STAU1: variants seen among roughly 807,000 people sequenced by gnomAD.
STAU1 encodes the protein double-stranded RNA-binding protein Staufen homolog 1.
A neutral mutation model predicts 62.9 loss-of-function variants in STAU1; 13 were observed. The observed-to-expected ratio is 0.21, with a 90% CI of 0.13 to 0.33. The LOEUF (loss-of-function observed/expected upper bound fraction) is 0.33. STAU1 is among the 10% of genes least tolerant of loss of function. The probability of loss-of-function intolerance (pLI) is 1.00; values close to 1 mark genes in which losing one functional copy is unlikely to be tolerated. For synonymous variants in STAU1, 269 were observed against 265.1 expected (o/e 1.01, Z -0.14); for missense variants, 571 against 712.1 (o/e 0.80, Z 2.25).
chr20:49,130,192 G>A (rs1035546800), intron 6 of STAU1, among the ~76,000 whole-genome samples: 5 of 152,068 alleles, frequency 3.3e-5, no homozygotes, highest in African/African-American at 1.2e-4. Flanking sequence ...TCCAAGCTAA[G>A]TTAAAGAAGT....
chr20:49,128,592 T>C (rs1258545455), intron 6 of STAU1, among the ~76,000 whole-genome samples: 4 of 152,008 alleles, frequency 2.6e-5, no homozygotes, highest in South Asian at 2.1e-4. Context: ...TCAGAAAGCA[T>C]GGAAGTTCTC....
chr20:49,153,739 AAAAG>A (rs752610587), intron 4 of STAU1, among the ~76,000 whole-genome samples, 190 bp downstream of exon 4: 36 of 145,462 alleles, frequency 2.5e-4, no homozygotes, highest in African/African-American at 6.9e-4. Context: ...AAAAAAAAAA[AAAAG>A]AAAGAAAGAA....
At chr20:49,175,881 G>A (rs943874474) in intron 1 of STAU1, among the ~76,000 whole-genome samples, 1 of 143,864 alleles carries the variant, frequency 7.0e-6, no homozygotes, top group Non-Finnish European at 1.5e-5. Flanking sequence ...TGCAAGCTCC[G>A]CCTCCAGGGT....
At chr20:49,152,334 T>C (rs2093267045) in intron 4 of STAU1, among the ~76,000 whole-genome samples, 1 of 137,744 alleles carries the variant, frequency 7.3e-6, no homozygotes, top group African/African-American at 2.8e-5. Flanking sequence ...ATCTATCCAC[T>C]AATGTCTTTT....
chr20:49,197,402 T>G, the STAU1 span, among the ~76,000 whole-genome samples: 1 of 114,644 alleles, frequency 8.7e-6, no homozygotes, highest in Non-Finnish European at 1.8e-5. Context: ...TTTCTTTTTC[T>G]TTTCTTTTTT....
At chr20:49,148,975 G>C (rs2093184099) in intron 5 of STAU1, among the ~76,000 whole-genome samples, 1 of 152,134 alleles carries the variant, frequency 6.6e-6, no homozygotes, top group African/African-American at 2.4e-5. Flanking sequence ...ACATGGCCAG[G>C]TATGGTGGCT....
chr20:49,156,232 T>C (rs1365034922), intron 3 of STAU1, among the ~76,000 whole-genome samples: 1 of 152,180 alleles, frequency 6.6e-6, no homozygotes, highest in Non-Finnish European at 1.5e-5. Context: ...TACACTCTTA[T>C]CAAAAATATA....
chr20:49,134,253 G>T (rs2092818513), intron 6 of STAU1, among the ~76,000 whole-genome samples: 1 of 151,928 alleles, frequency 6.6e-6, no homozygotes, highest in South Asian at 2.1e-4. Context: ...CCAATATGGA[G>T]AAACCCCGTT....
chr20:49,218,633 C>A, the STAU1 span, among the ~76,000 whole-genome samples: 5 of 152,266 alleles, frequency 3.3e-5, no homozygotes, highest in East Asian at 9.6e-4. Context: ...ACAAGCGATG[C>A]ACCCACCTGG....
At chr20:49,177,949 G>A (rs747577879) in intron 1 of STAU1, among the ~76,000 whole-genome samples, 3 of 152,104 alleles carry the variant, frequency 2.0e-5, no homozygotes, top group Non-Finnish European at 4.4e-5. Context: ...GGGAGGCCAA[G>A]ACAGAACTGC....
intron 1 of STAU1, among the ~76,000 whole-genome samples, chr20:49,184,536 G>C (rs984179714): frequency 2.6e-5 from 4 of 151,886 alleles, no homozygotes; most frequent in African/African-American, 9.7e-5. Flanking sequence ...TCCACAGACA[G>C]TTTTTTTTCT....
intron 6 of STAU1, among the ~76,000 whole-genome samples, chr20:49,130,542 T>C (rs895696419): frequency 2.0e-5 from 3 of 152,062 alleles, no homozygotes; most frequent in African/African-American, 7.2e-5. Context: ...TAAAGGACAA[T>C]TTGGACATCA....
At chr20:49,136,303 C>G (rs770372462) in intron 5 of STAU1, among the ~76,000 whole-genome samples, 2 of 151,914 alleles carry the variant, frequency 1.3e-5, no homozygotes, top group Non-Finnish European at 1.5e-5. Context: ...ACGCTGTCCC[C>G]CACAAAAAAA....
At chr20:49,179,805 T>C (rs1480800993) in intron 1 of STAU1, among the ~76,000 whole-genome samples, 2 of 152,206 alleles carry the variant, frequency 1.3e-5, no homozygotes, top group African/African-American at 4.8e-5. Context: ...GGAGCTAATA[T>C]AGTGACAATG....
chr20:49,151,915 G>A lies in STAU1; in HGVS notation c.345-168C>T, dbSNP rs115592251. 3.8e-3 allele frequency among the ~76,000 whole-genome samples: 585 copies of A among 152,234 alleles called. 5 individuals are homozygous for A. The highest frequency in any genetic ancestry group is 0.013 in the African/African-American group (551 of 41,532). Reference sequence around the variant, plus strand: ...AGAGATTTCATAAAAGCTTAAACTGGATTAGAATTGCTACACAGTATAAGC... The same window carrying A: ...AGAGATTTCATAAAAGCTTAAACTGAATTAGAATTGCTACACAGTATAAGC... On this transcript the variant is annotated intron_variant, in intron 4 of 13. Transcript: ENST00000371856.
At chr20:49,189,552 G>C (rs1230808901), upstream of STAU1, among the ~76,000 whole-genome samples, 1 of 149,004 alleles carries the variant, frequency 6.7e-6, no homozygotes, top group Non-Finnish European at 1.5e-5. Flanking sequence ...CCCGGGAGAC[G>C]GAGGTTGCAG....
At position 49,114,527 on chromosome 20, in the gene STAU1, T is replaced by C. The variant is rs1416446454; in HGVS notation, c.*351A>G. On this transcript the variant is annotated 3_prime_UTR_variant, in exon 14 of 14. Transcript: ENST00000371856. The stretch of plus-strand genomic sequence containing the variant: ...GCTTGAGAAGGGGTCGTGCCGTTTC[T>C]TCTTTCACACAGGGGAAAAAAAAGA... 1.5e-5 allele frequency: 4 copies of C among 274,658 alleles called. No individual in the cohort carries two copies. Among genetic ancestry groups the C allele is most frequent in the Non-Finnish European group, 2.1e-5 (3 of 144,296 alleles). 17.0% of individuals were successfully genotyped at this position (274,658 alleles called of 1,614,324 possible). A position where few individuals can be genotyped will look rare whatever the true frequency, so the allele number is the denominator to read the frequency against.
chr20:49,132,026 G>A (rs1224089057), intron 6 of STAU1, among the ~76,000 whole-genome samples: 1 of 151,808 alleles, frequency 6.6e-6, no homozygotes, highest in East Asian at 1.9e-4. Context: ...CAAAATGGAT[G>A]CACTCTTTTT....
chr20:49,137,953 TAC>T (rs1284520126), intron 5 of STAU1, among the ~76,000 whole-genome samples: 5 of 151,640 alleles, frequency 3.3e-5, no homozygotes, highest in Non-Finnish European at 5.9e-5. Context: ...GTGCTGGGAT[TAC>T]AGACATGAGC....
Sources: allele counts gnomAD v4.1 joint callset (sites outside exome capture counted in the v4.1 genomes callset), GRCh38; gene constraint gnomAD v4.1.1; transcripts MANE v1.5; gene names NCBI Gene and HGNC (gene_info 2026-07-23, HGNC 2026-07-21).